The following LRP1B variants were observed in gnomAD, a reference collection of about 807,000 sequenced individuals.
The protein encoded by LRP1B is LDL receptor related protein 1B.
In LRP1B, 217 loss-of-function variants were observed where a neutral mutation model predicts 556.6. The observed-to-expected ratio is 0.39, with a 90% confidence interval of 0.35 to 0.44. The LOEUF is 0.44. Among genes scored for constraint, LRP1B ranks in the 20% least tolerant of loss-of-function variants. The pLI is 1.00. For synonymous variants in LRP1B, 2,047 were observed against 1,865.8 expected, an observed-to-expected ratio of 1.10 and a Z score of -2.50; for missense variants, 5,053 against 5,620.8, an observed-to-expected ratio of 0.90 and a Z score of 3.23.
chr2:142,114,113 T>C (rs1333066017), intron 1 of LRP1B, among the ~76,000 whole-genome samples: 1 of 152,184 alleles, frequency 6.6e-6, no homozygotes, highest in Admixed American at 6.6e-5. Flanking sequence ...CCCAGTGTCT[T>C]ACCTCCCAGT....
At chr2:140,241,068 C>G (rs941965773) in intron 87 of LRP1B, among the ~76,000 whole-genome samples, 3 of 150,952 alleles carry the variant, frequency 2.0e-5, no homozygotes, top group African/African-American at 7.3e-5. Context: ...CTTCTATCCA[C>G]TTCTTCAGAC....
intron 18 of LRP1B, among the ~76,000 whole-genome samples, chr2:140,965,017 A>G (rs1469734336): frequency 6.6e-6 from 1 of 152,208 alleles, no homozygotes; most frequent in Non-Finnish European, 1.5e-5. Flanking sequence ...TATTGAAAGA[A>G]GTTCAATGGA....
In LRP1B at chr2:140,617,848, A is replaced by C. The variant is rs115496742; in HGVS notation, c.6800-16209T>G. Among the ~76,000 whole-genome samples the C allele has an allele frequency of 8.1e-3, 1,230 of 152,150 alleles. 21 individuals are homozygous for C. The highest frequency in any genetic ancestry group is 0.028 in the African/African-American group (1,181 of 41,568). ...CCTCCAAAATCCTACTTAATTAGGA[A>C]AATTTTAAAAACTGTTGAGAACTTT... On this transcript the variant is annotated intron_variant, in intron 41 of 90. Transcript: ENST00000389484.
intron 84 of LRP1B, 128 bp downstream of exon 84, chr2:140,297,680 G>T: frequency 1.0e-6 from 1 of 956,172 alleles, no homozygotes; most frequent in Non-Finnish European, 1.6e-6. Flanking sequence ...AATAATTGTT[G>T]GAGTGACAGA....
intron 3 of LRP1B, among the ~76,000 whole-genome samples, chr2:141,439,171 C>T (rs539007268): frequency 2.0e-5 from 3 of 152,208 alleles, no homozygotes; most frequent in African/African-American, 7.2e-5. Context: ...GAATTTCTTC[C>T]TACATCAGCT....
At chr2:141,575,928 G>A (rs901297022) in intron 2 of LRP1B, among the ~76,000 whole-genome samples, 1 of 151,806 alleles carries the variant, frequency 6.6e-6, no homozygotes, top group African/African-American at 2.4e-5. Context: ...ATGGCAATTA[G>A]TCAGGAAATA....
At chr2:141,315,249 G>A (rs1573793778) in intron 3 of LRP1B, among the ~76,000 whole-genome samples, 2 of 110,574 alleles carry the variant, frequency 1.8e-5, no homozygotes, top group African/African-American at 3.1e-5. Flanking sequence ...AAGAATGATT[G>A]TAATTTTTTT....
chr2:141,386,245 C>T lies in LRP1B; in HGVS notation c.343+94151G>A, dbSNP rs79480652. 3.9e-3 allele frequency among the ~76,000 whole-genome samples: 588 copies of T among 152,088 alleles called. 3 individuals carry two copies. Among genetic ancestry groups the T allele is most frequent in the African/African-American group, 0.013 (550 of 41,530 alleles). On this transcript the variant is annotated intron_variant, in intron 3 of 90. Transcript: ENST00000389484. ...TATGCACATGCAAATACTTTAAAAT[C>T]CCCCCCAAAAATCCAAAATCCAAAA... is the stretch of plus-strand genomic sequence containing the variant.
intron 82 of LRP1B, among the ~76,000 whole-genome samples, chr2:140,319,611 C>A (rs115956826): frequency 6.6e-6 from 1 of 152,036 alleles, no homozygotes; most frequent in Non-Finnish European, 1.5e-5. Context: ...ACACACACTG[C>A]GGCCTTTTGG....
chr2:140,976,153 C>G (rs1696588998), intron 18 of LRP1B, among the ~76,000 whole-genome samples: 1 of 152,014 alleles, frequency 6.6e-6, no homozygotes, highest in African/African-American at 2.4e-5. Context: ...CTTCTGGGCT[C>G]AAGTGATCCA....
intron 3 of LRP1B, among the ~76,000 whole-genome samples, chr2:141,290,227 A>G (rs868460386): frequency 4.6e-5 from 7 of 152,198 alleles, no homozygotes; most frequent in African/African-American, 1.7e-4. Flanking sequence ...CATGGAGGAA[A>G]TATCAACAGA....
At chr2:141,715,457 C>A (rs1692549673) in intron 2 of LRP1B, among the ~76,000 whole-genome samples, 2 of 151,924 alleles carry the variant, frequency 1.3e-5, no homozygotes, top group African/African-American at 2.4e-5. Flanking sequence ...GGTGACAGAG[C>A]AAGACCCTAT....
intron 2 of LRP1B, among the ~76,000 whole-genome samples, chr2:141,800,910 A>C (rs573123237): frequency 1.1e-3 from 161 of 152,330 alleles, no homozygotes; most frequent in African/African-American, 3.6e-3. Context: ...AAAAGCATTT[A>C]TATATTACGA....
chr2:141,088,520 G>T (rs1293677419), intron 7 of LRP1B, among the ~76,000 whole-genome samples: 1 of 152,132 alleles, frequency 6.6e-6, no homozygotes, highest in Non-Finnish European at 1.5e-5. Context: ...GGCTGTGGCA[G>T]CTAAAAATCT....
intron 41 of LRP1B, among the ~76,000 whole-genome samples, chr2:140,615,322 C>T (rs898288820): frequency 3.3e-5 from 5 of 152,094 alleles, no homozygotes; most frequent in African/African-American, 9.7e-5. Flanking sequence ...AATCATCATT[C>T]CCCATTCCCT....
intron 7 of LRP1B, among the ~76,000 whole-genome samples, chr2:141,111,126 G>C (rs1228249242): frequency 6.6e-6 from 1 of 152,084 alleles, no homozygotes; most frequent in African/African-American, 2.4e-5. Flanking sequence ...CCGTATTTAA[G>C]AGACTGTATT....
At chr2:141,952,924 G>A (rs1204807774) in intron 1 of LRP1B, among the ~76,000 whole-genome samples, 2 of 152,102 alleles carry the variant, frequency 1.3e-5, no homozygotes, top group African/African-American at 2.4e-5. Context: ...GAGCTGTCTA[G>A]AAGATTTTTT....
At chr2:140,275,438 T>A (rs556539953) in intron 84 of LRP1B, among the ~76,000 whole-genome samples, 5 of 152,088 alleles carry the variant, frequency 3.3e-5, no homozygotes, top group African/African-American at 1.2e-4. Flanking sequence ...TCACTAACAG[T>A]AGTAACTGCT....
intron 1 of LRP1B, among the ~76,000 whole-genome samples, chr2:141,819,332 C>T (rs1574397547): frequency 6.6e-6 from 1 of 152,090 alleles, no homozygotes; most frequent in Admixed American, 6.5e-5. Flanking sequence ...CTACTCAAAA[C>T]ACCGAAAAGC....
Sources: allele counts gnomAD v4.1 joint callset (sites outside exome capture counted in the v4.1 genomes callset), GRCh38; gene constraint gnomAD v4.1.1; transcripts MANE v1.5; gene names NCBI Gene and HGNC (gene_info 2026-07-23, HGNC 2026-07-21).